Variants in WNK3 observed in about 807,000 individuals in gnomAD.
The protein encoded by WNK3 is WNK lysine deficient protein kinase 3, also known as serine/threonine-protein kinase WNK3.
In WNK3, 18 loss-of-function variants were observed where a neutral mutation model predicts 116.7. The observed-to-expected ratio is 0.15, with a 90% CI of 0.11 to 0.23. WNK3 has a LOEUF of 0.23. Among genes scored for constraint, WNK3 ranks in the 10% least tolerant of loss-of-function variants. The probability of loss-of-function intolerance (pLI) is 1.00; values close to 1 mark genes in which losing one functional copy is unlikely to be tolerated. For missense variants in WNK3, 993 were observed against 1,323.8 expected, an observed-to-expected ratio of 0.75 and a Z score of 3.88; for synonymous variants, 404 against 469.4, an observed-to-expected ratio of 0.86 and a Z score of 1.80.
rs781850934 is a variant in WNK3 at position 54,322,493 on chromosome X, G to A, written c.537+10644C>T. Among the ~76,000 whole-genome samples the A allele has an allele frequency of 1.8e-5, 2 of 111,127 alleles. 1 individual carries two copies. Among genetic ancestry groups the A allele is most frequent in the South Asian group, 7.7e-4 (2 of 2,607 alleles). On this transcript the variant is annotated intron_variant, in intron 2 of 23. Transcript: ENST00000354646. ...ATTAACTGACATCCCTTGAGTTTCG[G>A]TAGTTCAATGTTAAGAATCTTAAAC...
intron 20 of WNK3, among the ~76,000 whole-genome samples, chrX:54,233,812 GAAAAAAAAAAA>G (rs781927998): frequency 1.5e-5 from 1 of 66,730 alleles, no homozygotes; most frequent in African/African-American, 5.7e-5. Flanking sequence ...CTGTCTCTCT[GAAAAAAAAAAA>G]AAAAAAAATC....
chrX:54,357,366 A>G (rs185448947), intron 1 of WNK3, among the ~76,000 whole-genome samples: 1 of 110,939 alleles, frequency 9.0e-6, no homozygotes, highest in East Asian at 2.9e-4. Flanking sequence ...AAAACAAAAA[A>G]GAAAACAAAA....
chrX:54,196,397 A>G (rs1323669199), exon 24 of WNK3: 16 of 107,378 alleles, frequency 1.5e-4, no homozygotes, highest in African/African-American at 5.6e-4. Context: ...GGTAAGCAAC[A>G]TAAAACACAT....
At chrX:54,249,465 A>G in exon 17 of WNK3, 1 of 1,211,698 alleles carries the variant, frequency 8.3e-7, no homozygotes, top group Non-Finnish European at 1.1e-6. Flanking sequence ...CTTCCACTTG[A>G]TAAAGTATAG....
At position 54,336,883 on chromosome X, in the gene WNK3, A is replaced by G. The variant is rs140514793; in HGVS notation, c.-119-3091T>C. 1.7e-4 allele frequency among the ~76,000 whole-genome samples: 19 copies of G among 111,697 alleles called. No homozygotes were observed. The East Asian group carries it at 5.3e-3, about 31-fold the overall frequency. On this transcript the variant is annotated intron_variant, in intron 1 of 23. Coordinates refer to ENST00000354646, the Ensembl canonical transcript of WNK3. ...CACAAAAATTTGCCAACCAGATGAC[A>G]TTACTAGGACATATCTATGTTAATA...
In WNK3 at chrX:54,276,717, C is replaced by CT. The variant is rs1365637484; in HGVS notation, c.2037+16170dup. 6.2e-3 allele frequency among the ~76,000 whole-genome samples: 613 copies of CT among 98,582 alleles called. 1 individual carries two copies. The highest frequency in any genetic ancestry group is 9.9e-3 in the African/African-American group (272 of 27,578). 85.6% of individuals were successfully genotyped at this position (98,582 alleles called of 115,157 possible). A position where few individuals can be genotyped will look rare whatever the true frequency, so the allele number is the denominator to read the frequency against. ...GAAACATCTGAAAAAGGCAACATTC[C>CT]TTTTTTTTTTTTTTTGAGAAGGAGT... On this transcript the variant is annotated intron_variant, in intron 10 of 23. Coordinates refer to ENST00000354646, the Ensembl canonical transcript of WNK3.
intron 7 of WNK3, among the ~76,000 whole-genome samples, chrX:54,295,632 G>A (rs1421102952): frequency 8.9e-6 from 1 of 111,852 alleles, no homozygotes; most frequent in Non-Finnish European, 1.9e-5. Flanking sequence ...TTAAGTAGGA[G>A]CACGCTGCAT....
intron 5 of WNK3, among the ~76,000 whole-genome samples, chrX:54,304,994 T>C (rs782024788): frequency 2.7e-4 from 29 of 108,327 alleles, no homozygotes; most frequent in African/African-American, 8.4e-4. Flanking sequence ...TATATATATA[T>C]ACAAAAACTA....
At chrX:54,234,821 G>A (rs782375090) in intron 20 of WNK3, among the ~76,000 whole-genome samples, 3 of 100,229 alleles carry the variant, frequency 3.0e-5, no homozygotes, top group South Asian at 9.4e-4. Context: ...GCCAGACTCC[G>A]TCTCAAAAAA....
chrX:54,236,979 C>T (rs1208957146), exon 20 of WNK3: 7 of 1,207,903 alleles, frequency 5.8e-6, no homozygotes, highest in East Asian at 3.0e-5. Context: ...AGTCCTCATC[C>T]TCTATTTCTG....
intron 22 of WNK3, among the ~76,000 whole-genome samples, chrX:54,205,501 G>A (rs972953759): frequency 1.8e-5 from 2 of 110,584 alleles, no homozygotes; most frequent in Non-Finnish European, 3.8e-5. Flanking sequence ...ACTGAAGCAA[G>A]TATTTAAATG....
At position 54,301,764 on chromosome X, in the gene WNK3, C is replaced by A; in HGVS notation, c.1178+7G>T. On this transcript the variant is annotated splice_region_variant and intron_variant, in intron 6 of 23. Coordinates refer to ENST00000354646, the Ensembl canonical transcript of WNK3. ...CAGTTATGTCATTTTGCTACAATTG[C>A]ACCCACCTTTCAGATTTGTTTTGAC... The A allele has an allele frequency of 1.7e-6, 2 of 1,197,233 alleles. No homozygotes were observed. The highest frequency in any genetic ancestry group is 1.1e-6 in the Non-Finnish European group (1 of 883,885).
Position 54,308,096 on chromosome X carries a change from C to A in WNK3, c.932-17G>T. On this transcript the variant is annotated splice_polypyrimidine_tract_variant and intron_variant, in intron 4 of 23. Transcript: ENST00000354646. ...CAGGAGTTCCTACAAAATAACACCA[C>A]CACCACATTCTTATAGAAGAGAAAA... 8.6e-7 allele frequency: 1 copy of A among 1,163,017 alleles called. No homozygotes were observed. Among genetic ancestry groups the A allele is most frequent in the Non-Finnish European group, 1.2e-6 (1 of 866,318 alleles).
chrX:54,286,785 T>C (rs1246879537), intron 10 of WNK3, among the ~76,000 whole-genome samples: 1 of 108,616 alleles, frequency 9.2e-6, no homozygotes, highest in Non-Finnish European at 1.9e-5. Flanking sequence ...TGGTGGTAGA[T>C]GCCTGTAATC....
exon 10 of WNK3, chrX:54,293,034 G>T: frequency 8.3e-7 from 1 of 1,205,884 alleles, no homozygotes; most frequent in Non-Finnish European, 1.1e-6. Flanking sequence ...GAATGCTTCT[G>T]TAACTGTTAA....
chrX:54,292,351 T>C (rs1557165200), intron 10 of WNK3, among the ~76,000 whole-genome samples: 1 of 111,327 alleles, frequency 9.0e-6, no homozygotes, highest in Admixed American at 9.6e-5. Flanking sequence ...TCTCTGTTTC[T>C]TCTCCAATTA....
At chrX:54,255,629 A>C in intron 12 of WNK3, 111 bp downstream of exon 12, 2 of 621,664 alleles carry the variant, frequency 3.2e-6, no homozygotes, top group Non-Finnish European at 4.7e-6. Flanking sequence ...AGAAAAGGTT[A>C]GTTTAGAGAG....
At chrX:54,194,782 C>G (rs2067428767) in exon 24 of WNK3, 1 of 111,472 alleles carries the variant, frequency 9.0e-6, no homozygotes, top group Non-Finnish European at 1.9e-5. Flanking sequence ...TACTTGTGCA[C>G]CCAAAACAGC....
At chrX:54,303,174 A>T in intron 5 of WNK3, among the ~76,000 whole-genome samples, 1 of 108,846 alleles carries the variant, frequency 9.2e-6, no homozygotes, top group South Asian at 4.0e-4. Context: ...ATATATATGA[A>T]CATATATACC....
Sources: allele counts gnomAD v4.1 joint callset (sites outside exome capture counted in the v4.1 genomes callset), GRCh38; gene constraint gnomAD v4.1.1; transcripts MANE v1.5; gene names NCBI Gene and HGNC (gene_info 2026-07-23, HGNC 2026-07-21).